Variants in CTNNA3 observed in about 807,000 individuals in gnomAD.
CTNNA3 encodes the protein catenin alpha-3.
Under a neutral mutation model 95.7 loss-of-function variants are expected in CTNNA3, and 76 were observed. The ratio of observed to expected loss-of-function variants is 0.79; its 90% CI spans 0.66 to 0.96. The LOEUF (loss-of-function observed/expected upper bound fraction) is 0.96. Among genes scored for constraint, CTNNA3 ranks in the 40% least tolerant of loss-of-function variants. The pLI is 0.00. For missense variants in CTNNA3, 1,191 were observed against 1,089.8 expected, an observed-to-expected ratio of 1.09 and a Z score of -1.31; for synonymous variants, 431 against 374.4, an observed-to-expected ratio of 1.15 and a Z score of -1.74.
chr10:66,800,420 AC>A (rs1478601783), intron 7 of CTNNA3, among the ~76,000 whole-genome samples: 1 of 151,280 alleles, frequency 6.6e-6, no homozygotes, highest in Non-Finnish European at 1.5e-5. Context: ...TTTATAAAAT[AC>A]AGCAATACTT....
intron 5 of CTNNA3, among the ~76,000 whole-genome samples, chr10:67,388,564 A>G (rs752279728): frequency 0.038 from 5,523 of 144,782 alleles, 123 homozygotes; most frequent in South Asian, 0.094. Flanking sequence ...AGAGAACGCC[A>G]CAAAGATACT....
At chr10:67,516,154 G>T (rs1488217980) in intron 5 of CTNNA3, among the ~76,000 whole-genome samples, 1 of 152,008 alleles carries the variant, frequency 6.6e-6, no homozygotes, top group Non-Finnish European at 1.5e-5. Flanking sequence ...AGTAGAGACG[G>T]GGTTTCACCA....
intron 10 of CTNNA3, among the ~76,000 whole-genome samples, chr10:66,613,373 G>A (rs1365762914): frequency 6.6e-6 from 1 of 151,890 alleles, no homozygotes; most frequent in African/African-American, 2.4e-5. Flanking sequence ...CCCTGCCCCT[G>A]CCTCACCCTA....
intron 3 of CTNNA3, among the ~76,000 whole-genome samples, chr10:67,600,356 G>A (rs1843049401): frequency 6.6e-6 from 1 of 151,340 alleles, no homozygotes; most frequent in African/African-American, 2.4e-5. Flanking sequence ...ACCCATAAAG[G>A]AACAAAATAA....
intron 15 of CTNNA3, among the ~76,000 whole-genome samples, chr10:66,043,615 G>T (rs1430026179): frequency 1.3e-5 from 2 of 152,128 alleles, no homozygotes; most frequent in African/African-American, 4.8e-5. Context: ...TGGAAGAAAA[G>T]CACCATGGGC....
At chr10:67,363,722 A>C (rs529072391) in intron 5 of CTNNA3, among the ~76,000 whole-genome samples, 1 of 152,234 alleles carries the variant, frequency 6.6e-6, no homozygotes, top group Admixed American at 6.5e-5. Flanking sequence ...TAGAAAATCT[A>C]GAAAAAATGG....
At chr10:66,856,581 CT>C (rs1014557913) in intron 7 of CTNNA3, among the ~76,000 whole-genome samples, 1 of 151,790 alleles carries the variant, frequency 6.6e-6, no homozygotes, top group Non-Finnish European at 1.5e-5. Flanking sequence ...TATTTTTTTA[CT>C]TTTTAAATAA....
intron 10 of CTNNA3, among the ~76,000 whole-genome samples, chr10:66,585,204 C>T (rs1017776529): frequency 8.6e-5 from 13 of 151,832 alleles, no homozygotes; most frequent in African/African-American, 3.1e-4. Context: ...AGTTCTTTGA[C>T]CTTCTTATAT....
chr10:67,156,853 C>G (rs997509670), intron 7 of CTNNA3, among the ~76,000 whole-genome samples: 3 of 151,870 alleles, frequency 2.0e-5, no homozygotes. Flanking sequence ...GATATTTTGT[C>G]TGTATGTTCT....
chr10:67,355,260 C>G (rs1250739349), intron 5 of CTNNA3, among the ~76,000 whole-genome samples: 1 of 151,888 alleles, frequency 6.6e-6, no homozygotes, highest in African/African-American at 2.4e-5. Flanking sequence ...GTCCCTATAT[C>G]AAATGTAAAC....
Position 66,803,408 on chromosome 10 carries a change from C to A in CTNNA3, c.1048-27884G>T, listed in dbSNP as rs1472029192. Among the ~76,000 whole-genome samples, 4 of 152,112 alleles carry A rather than the reference C, an allele frequency of 2.6e-5. No homozygotes were observed. In the East Asian group the frequency reaches 5.8e-4, roughly 22 times the overall value. On this transcript the variant is annotated intron_variant, in intron 7 of 17. Coordinates refer to ENST00000433211, the MANE Select transcript of CTNNA3 (RefSeq NM_013266.4). ...ACTCTGCAGAGACCTCACTTCCTTT[C>A]CAAAGTCCTTCCTTCTCTCAGGCAA...
intron 15 of CTNNA3, among the ~76,000 whole-genome samples, chr10:66,037,621 A>G (rs978138413): frequency 1.3e-5 from 2 of 152,232 alleles, no homozygotes; most frequent in Non-Finnish European, 2.9e-5. Context: ...ACCTGGAAAT[A>G]CAGAGTAAAC....
At chr10:66,283,453 A>C (rs1324658458) in intron 12 of CTNNA3, among the ~76,000 whole-genome samples, 1 of 151,852 alleles carries the variant, frequency 6.6e-6, no homozygotes, top group Non-Finnish European at 1.5e-5. Context: ...TGGCAAAAAA[A>C]GAAAAATTTA....
intron 1 of CTNNA3, among the ~76,000 whole-genome samples, chr10:67,654,565 T>A (rs191679245): frequency 6.6e-6 from 1 of 151,816 alleles, no homozygotes; most frequent in Non-Finnish European, 1.5e-5. Flanking sequence ...AGCTCACCAC[T>A]GCAACCTCCA....
At chr10:66,570,933 T>C (rs1842851517) in intron 10 of CTNNA3, among the ~76,000 whole-genome samples, 1 of 152,170 alleles carries the variant, frequency 6.6e-6, no homozygotes, top group African/African-American at 2.4e-5. Flanking sequence ...CTCAAAAAAA[T>C]GTCCTGATGT....
At chr10:66,093,028 T>TAG (rs2081269521) in intron 14 of CTNNA3, among the ~76,000 whole-genome samples, 1 of 151,990 alleles carries the variant, frequency 6.6e-6, no homozygotes, top group African/African-American at 2.4e-5. Context: ...AGGATGAAAA[T>TAG]GTACATATTT....
intron 10 of CTNNA3, among the ~76,000 whole-genome samples, chr10:66,593,815 T>C (rs1843626763): frequency 6.6e-6 from 1 of 152,110 alleles, no homozygotes; most frequent in Admixed American, 6.5e-5. Context: ...ATTCTCTTTT[T>C]CCTTCTTTGG....
intron 12 of CTNNA3, among the ~76,000 whole-genome samples, chr10:66,360,197 C>CT (rs71466867): frequency 0.061 from 9,170 of 149,396 alleles, 388 homozygotes; most frequent in East Asian, 0.11. Flanking sequence ...AAACACTGAA[C>CT]TTTTTTTTTT....
intron 10 of CTNNA3, among the ~76,000 whole-genome samples, chr10:66,562,814 A>C (rs2132138691): frequency 6.6e-6 from 1 of 152,144 alleles, no homozygotes. Context: ...TGTTCTAAGA[A>C]GTTTGAAGCA....
Sources: allele counts gnomAD v4.1 joint callset (sites outside exome capture counted in the v4.1 genomes callset), GRCh38; gene constraint gnomAD v4.1.1; transcripts MANE v1.5; gene names NCBI Gene and HGNC (gene_info 2026-07-23, HGNC 2026-07-21).